The following DCAF6 variants were observed in gnomAD, a reference collection of about 807,000 sequenced individuals.
DCAF6 encodes DDB1- and CUL4-associated factor 6.
Under a neutral mutation model 125.1 loss-of-function variants are expected in DCAF6, and 54 were observed. The observed-to-expected ratio is 0.43, with a 90% confidence interval of 0.35 to 0.54. DCAF6 has a LOEUF of 0.54. Among genes scored for constraint, DCAF6 ranks in the 20% least tolerant of loss-of-function variants. The probability of loss-of-function intolerance (pLI) is 0.01; values close to 1 mark genes in which losing one functional copy is unlikely to be tolerated. For synonymous variants in DCAF6, 371 were observed against 390.4 expected, an observed-to-expected ratio of 0.95 and a Z score of 0.58; for missense variants, 934 against 1,161.7, an observed-to-expected ratio of 0.80 and a Z score of 2.85.
intron 7 of DCAF6, 38 bp from the exon 8 acceptor site, chr1:168,002,444 T>C: frequency 1.3e-6 from 2 of 1,574,316 alleles, no homozygotes; most frequent in Non-Finnish European, 1.7e-6. Flanking sequence ...TAGATGAGTT[T>C]TAGACTTACA....
At chr1:168,041,884 T>G (rs1688574291) in intron 13 of DCAF6, among the ~76,000 whole-genome samples, 1 of 118,702 alleles carries the variant, frequency 8.4e-6, no homozygotes, top group Non-Finnish European at 1.7e-5. Flanking sequence ...AAGAAATACA[T>G]GTTTGTCGCG....
At chr1:168,020,858 T>G (rs568302687) in intron 11 of DCAF6, among the ~76,000 whole-genome samples, 1 of 152,194 alleles carries the variant, frequency 6.6e-6, no homozygotes, top group African/African-American at 2.4e-5. Flanking sequence ...AAAATAATCC[T>G]TCCCAAAGGA....
chr1:167,891,315 C>T, the DCAF6 span, among the ~76,000 whole-genome samples: 1 of 151,826 alleles, frequency 6.6e-6, no homozygotes, highest in Non-Finnish European at 1.5e-5. Context: ...TGGTATATTT[C>T]ATTTAGTTCC....
At chr1:167,972,178 T>TG (rs1355533591) in intron 3 of DCAF6, among the ~76,000 whole-genome samples, 1 of 152,162 alleles carries the variant, frequency 6.6e-6, no homozygotes, top group Non-Finnish European at 1.5e-5. Flanking sequence ...AATTATAACT[T>TG]CCCAAGTACA....
At chr1:167,918,237 A>G in the DCAF6 span, 1 of 1,091,594 alleles carries the variant, frequency 9.2e-7, no homozygotes, top group East Asian at 2.4e-5. Flanking sequence ...ACACACAGTT[A>G]GCTTTGCTTT....
chr1:167,873,465 G>C, the DCAF6 span, among the ~76,000 whole-genome samples: 5,690 of 152,230 alleles, frequency 0.037, 342 homozygotes, highest in African/African-American at 0.13. Context: ...CCTTGACACA[G>C]TTAGGACCAA....
At chr1:167,952,261 C>G (rs1004383955) in intron 2 of DCAF6, among the ~76,000 whole-genome samples, 31 of 151,972 alleles carry the variant, frequency 2.0e-4, no homozygotes, top group African/African-American at 7.3e-4. Flanking sequence ...AGTGCAGTGG[C>G]GCAATCTCGG....
intron 1 of DCAF6, among the ~76,000 whole-genome samples, chr1:167,937,575 C>G (rs1198624559): frequency 6.6e-6 from 1 of 152,110 alleles, no homozygotes; most frequent in Non-Finnish European, 1.5e-5. Flanking sequence ...TCTCCCAGTT[C>G]CACTCTGCTC....
intron 8 of DCAF6, 114 bp from the exon 9 acceptor site, chr1:168,003,756 A>G: frequency 1.1e-6 from 1 of 916,296 alleles, no homozygotes; most frequent in Non-Finnish European, 1.6e-6. Flanking sequence ...TATTTAGGAA[A>G]TTTGATTTTT....
intron 13 of DCAF6, 147 bp from the exon 14 acceptor site, chr1:168,042,878 G>T: frequency 1.8e-6 from 1 of 550,858 alleles, no homozygotes. Flanking sequence ...TGTTTGAAAT[G>T]ATGTTTACAA....
the DCAF6 span, chr1:167,917,938 C>T: frequency 6.3e-6 from 1 of 158,572 alleles, no homozygotes; most frequent in African/African-American, 2.4e-5. Context: ...GCAAAATTTC[C>T]TTTCACTTAT....
the DCAF6 span, among the ~76,000 whole-genome samples, chr1:167,870,806 TAA>T: frequency 1.5e-4 from 19 of 128,974 alleles, no homozygotes; most frequent in Admixed American, 2.3e-4. Flanking sequence ...AAACTCCATC[TAA>T]AAAAAAAAAA....
At chr1:168,030,635 A>G (rs1572014136) in intron 12 of DCAF6, among the ~76,000 whole-genome samples, 1 of 152,196 alleles carries the variant, frequency 6.6e-6, no homozygotes, top group East Asian at 1.9e-4. Flanking sequence ...AATAAACAGG[A>G]CTTGGTGGTA....
intron 21 of DCAF6, among the ~76,000 whole-genome samples, chr1:168,070,378 G>A (rs1044905821): frequency 9.9e-5 from 15 of 152,044 alleles, no homozygotes; most frequent in African/African-American, 3.6e-4. Context: ...ATACAATAAT[G>A]TGTGCATATT....
Position 167,993,287 on chromosome 1 carries a change from T to C in DCAF6, c.750T>C (p.Asn250=). Residue 250 remains asparagine, a synonymous_variant, in exon 7 of 22, where the codon AAT becomes AAC. Coordinates refer to ENST00000367840, the MANE Select transcript of DCAF6 (RefSeq NM_001198956.2). ...CCCGTTTTATTCCTTCCCATCTTAA[T>C]AATAAGTCCTGCAGAGTGACATCTC... The part of the protein sequence containing the change: ...MVARFIPSHL[N]NKSCRVTSLC... 6.2e-7 allele frequency: 1 copy of C among 1,614,102 alleles called. No individual in the cohort carries two copies. The highest frequency in any genetic ancestry group is 8.5e-7 in the Non-Finnish European group (1 of 1,179,964).
upstream of DCAF6, among the ~76,000 whole-genome samples, chr1:167,935,010 A>G (rs1671046437): frequency 6.6e-6 from 1 of 152,144 alleles, no homozygotes; most frequent in African/African-American, 2.4e-5. Flanking sequence ...ATTTACAAAG[A>G]GTCAAGCACA....
rs369082564 is a variant in DCAF6 at position 168,002,466 on chromosome 1, C to T, written c.904-16C>T. The T allele has an allele frequency of 8.1e-6, 13 of 1,608,970 alleles. No individual in the cohort carries two copies. The Admixed American group carries it at 8.4e-5, about 10-fold the overall frequency. On this transcript the variant is annotated splice_polypyrimidine_tract_variant and intron_variant, in intron 7 of 21. Transcript: ENST00000367840. Reference sequence around the variant, plus strand: ...GTTTTAGACTTACATAGAATTTACCCGTTCTTATTTTTTAGTTGCGACAAC... The same window carrying T: ...GTTTTAGACTTACATAGAATTTACCTGTTCTTATTTTTTAGTTGCGACAAC...
the DCAF6 span, among the ~76,000 whole-genome samples, chr1:167,890,761 A>G: frequency 6.6e-6 from 1 of 152,116 alleles, no homozygotes; most frequent in Non-Finnish European, 1.5e-5. Flanking sequence ...TTCCATTTTC[A>G]TTAGGTATCT....
the DCAF6 span, among the ~76,000 whole-genome samples, chr1:167,900,901 A>G: frequency 3.9e-5 from 6 of 152,218 alleles, no homozygotes; most frequent in Admixed American, 3.9e-4. Context: ...AGTTAATTGT[A>G]TAACTGCTGA....
Sources: allele counts gnomAD v4.1 joint callset (sites outside exome capture counted in the v4.1 genomes callset), GRCh38; gene constraint gnomAD v4.1.1; transcripts MANE v1.5; gene names NCBI Gene and HGNC (gene_info 2026-07-23, HGNC 2026-07-21).